The following PLSCR3 variants were observed in gnomAD, a reference collection of about 807,000 sequenced individuals.
The protein encoded by PLSCR3 is phospholipid scramblase 3.
A neutral mutation model predicts 33.7 loss-of-function variants in PLSCR3; 17 were observed. The observed-to-expected ratio is 0.50, with a 90% CI of 0.35 to 0.76. The LOEUF is 0.76. Among genes scored for constraint, PLSCR3 ranks in the 30% least tolerant of loss-of-function variants. The probability of loss-of-function intolerance (pLI) is 0.01; values close to 1 mark genes in which losing one functional copy is unlikely to be tolerated. For missense variants in PLSCR3, 360 were observed against 394.1 expected, an observed-to-expected ratio of 0.91 and a Z score of 0.73; for synonymous variants, 166 against 166.0, an observed-to-expected ratio of 1.00 and a Z score of 0.00.
At chr17:7,390,918 T>A in intron 6 of PLSCR3, 123 bp from the exon 7 acceptor site, 1 of 948,964 alleles carries the variant, frequency 1.1e-6, no homozygotes, top group Non-Finnish European at 1.6e-6. Flanking sequence ...AATCTTCCCC[T>A]CTAATGGTCA....
Position 7,394,242 on chromosome 17 carries a change from G to T in PLSCR3, c.-132C>A. 1 of 818,066 alleles carries T rather than the reference G, an allele frequency of 1.2e-6. No homozygotes were observed. Among genetic ancestry groups the T allele is most frequent in the Non-Finnish European group, 2.0e-6 (1 of 507,412 alleles). 50.7% of individuals were successfully genotyped at this position (818,066 alleles called of 1,614,324 possible). A position where few individuals can be genotyped will look rare whatever the true frequency, so the allele number is the denominator to read the frequency against. On this transcript the variant is annotated 5_prime_UTR_variant, in exon 2 of 8. Transcript: ENST00000619711. The surrounding 1 kb of genome is among the most constrained non-coding windows in gnomAD (Gnocchi z 5.3). ...CGGAGAGGCAGCTGCGCCCGGCGCCGGCCCAGGGTCTCTTGGGCGGCGCCT... is the reference window on the plus strand; with the variant it reads ...CGGAGAGGCAGCTGCGCCCGGCGCCTGCCCAGGGTCTCTTGGGCGGCGCCT...
chr17:7,390,588 A>G, intron 7 of PLSCR3, 46 bp downstream of exon 7: 1 of 1,608,078 alleles, frequency 6.2e-7, no homozygotes, highest in Non-Finnish European at 8.5e-7. Context: ...GCTTCAAATG[A>G]CAGCAAAGGA....
At position 7,392,849 on chromosome 17, in the gene PLSCR3, ACTGT is replaced by A. The variant is rs773161028; in HGVS notation, c.607_610del (p.Thr203SerfsTer21). The A allele has an allele frequency of 6.2e-7, 1 of 1,614,058 alleles. No individual in the cohort carries two copies. The highest frequency in any genetic ancestry group is 1.1e-5 in the South Asian group (1 of 91,080). ...CCAGCAGGGCCCCACCACTCGCAAGACTGTCTGGCGATCGGCATCCTGGATGGAG... is the reference window on the plus strand; with the variant it reads ...CCAGCAGGGCCCCACCACTCGCAAGACTGGCGATCGGCATCCTGGATGGAG... On this transcript the variant is annotated frameshift_variant, in exon 6 of 8. Coordinates refer to ENST00000619711, the MANE Select transcript of PLSCR3 (RefSeq NM_020360.4). LOFTEE classifies it high-confidence loss of function.
At chr17:7,393,114 C>T (rs1221106453) in intron 5 of PLSCR3, 30 bp downstream of exon 5, 2 of 1,160,270 alleles carry the variant, frequency 1.7e-6, no homozygotes, top group South Asian at 1.6e-5. Flanking sequence ...CCACCAAGGC[C>T]CGCCCTCCCG....
In PLSCR3 at chr17:7,393,816, A is replaced by G. The variant is rs945038396; in HGVS notation, c.28T>C (p.Tyr10His). Residue 10 changes from tyrosine (Y) to histidine (H), a missense_variant, in exon 3 of 8, where the codon TAC (tyrosine) becomes CAC (histidine). Physicochemically the swap from Tyr to His is moderately conservative, Grantham distance 83. Coordinates refer to ENST00000619711, the MANE Select transcript of PLSCR3 (RefSeq NM_020360.4). MAGYLPPKG[Y>H]APSPPPPYPV... ...TAGGGAGGTGGGGGCGAAGGGGCGT[A>G]GCCTTTGGGGGGCAAGTAGCCTGTA... 4.6e-5 allele frequency: 70 copies of G among 1,506,802 alleles called. No individual in the cohort carries two copies. The highest frequency in any genetic ancestry group is 5.7e-5 in the Non-Finnish European group (65 of 1,133,736). The allele number at this position is 1,506,802 out of a possible 1,614,324, so 93.3% of individuals were successfully genotyped here. A position where few individuals can be genotyped will look rare whatever the true frequency, so the allele number is the denominator to read the frequency against.
Position 7,390,293 on chromosome 17 carries a change from TG to T in PLSCR3, c.*91del. ...CCCCTTCTGTCCCCTGCAGTGTACATGGAGGAAAGGGGCTGCCCAGAGGAGG... is the reference window on the plus strand; with the variant it reads ...CCCCTTCTGTCCCCTGCAGTGTACATGAGGAAAGGGGCTGCCCAGAGGAGG... On this transcript the variant is annotated 3_prime_UTR_variant, in exon 8 of 8. Transcript: ENST00000619711. 9.9e-7 allele frequency: 1 copy of T among 1,007,776 alleles called. No individual in the cohort carries two copies. Among genetic ancestry groups the T allele is most frequent in the Non-Finnish European group, 1.5e-6 (1 of 685,706 alleles). The allele number at this position is 1,007,776 out of a possible 1,614,324, so 62.4% of individuals were successfully genotyped here. A position where few individuals can be genotyped will look rare whatever the true frequency, so the allele number is the denominator to read the frequency against.
chr17:7,393,152 G>T lies in PLSCR3; in HGVS notation c.499C>A (p.Leu167Ile). 1 of 1,462,388 alleles carries T rather than the reference G, an allele frequency of 6.8e-7. No individual in the cohort carries two copies. The allele number at this position is 1,462,388 out of a possible 1,614,324, so 90.6% of individuals were successfully genotyped here. A position where few individuals can be genotyped will look rare whatever the true frequency, so the allele number is the denominator to read the frequency against. ...HCGCSCCPCG[L>I]QEMEVQAPPG... ...CCCCTCCCTCCGCCCACCTCCTGGA[G>T]GCCACAGGGGCAGCAGCTGCAGCCA... is the stretch of plus-strand genomic sequence containing the variant. Residue 167 changes from leucine (L) to isoleucine (I), a missense_variant, in exon 5 of 8, where the codon CTC (leucine) becomes ATC (isoleucine). Leu to Ile is a conservative substitution (Grantham distance 5). Transcript: ENST00000619711.
At chr17:7,392,198 C>CA (rs1359977875) in intron 6 of PLSCR3, among the ~76,000 whole-genome samples, 5 of 152,168 alleles carry the variant, frequency 3.3e-5, no homozygotes, top group Non-Finnish European at 5.9e-5. Flanking sequence ...AACAAACAAA[C>CA]AAAAAACAAA....
Position 7,390,302 on chromosome 17 carries a change from G to C in PLSCR3, c.*83C>G. 1 of 1,103,028 alleles carries C rather than the reference G, an allele frequency of 9.1e-7. No individual in the cohort carries two copies. Among genetic ancestry groups the C allele is most frequent in the East Asian group, 2.6e-5 (1 of 38,852 alleles). The allele number at this position is 1,103,028 out of a possible 1,614,324, so 68.3% of individuals were successfully genotyped here. ...TCCCCTGCAGTGTACATGGAGGAAAGGGGCTGCCCAGAGGAGGGGCCAGGG... is the reference window on the plus strand; with the variant it reads ...TCCCCTGCAGTGTACATGGAGGAAACGGGCTGCCCAGAGGAGGGGCCAGGG... On this transcript the variant is annotated 3_prime_UTR_variant, in exon 8 of 8. Transcript: ENST00000619711.
Position 7,390,377 on chromosome 17 carries a change from G to T in PLSCR3, c.*8C>A. 6.5e-7 allele frequency: 1 copy of T among 1,546,026 alleles called. No individual in the cohort carries two copies. Among genetic ancestry groups the T allele is most frequent in the Non-Finnish European group, 8.8e-7 (1 of 1,142,298 alleles). The stretch of plus-strand genomic sequence containing the variant: ...CGAGGTGATGGTCTCCTCACACCAT[G>T]GTGGCCTCTAACTGGTGACGGCAGA... On this transcript the variant is annotated 3_prime_UTR_variant, in exon 8 of 8. Transcript: ENST00000619711.
At position 7,392,911 on chromosome 17, in the gene PLSCR3, C is replaced by G. The variant is rs770610407; in HGVS notation, c.549G>C (p.Val183=). ...GGAGGAAGGGATGCCAGGTCTGTAG[C>G]ACGTGGCCAATGGTGGTGCCTGGTG... ...QAPPGTTIGH[V]LQTWHPFLPK... The change falls in exon 6 of 8, where the codon GTG becomes GTC. Residue 183 remains valine, a synonymous_variant. Transcript: ENST00000619711. The G allele has an allele frequency of 6.2e-7, 1 of 1,614,030 alleles. No individual in the cohort carries two copies. Among genetic ancestry groups the G allele is most frequent in the East Asian group, 2.2e-5 (1 of 44,888 alleles).
At chr17:7,390,532 A>C in intron 7 of PLSCR3, 91 bp from the exon 8 acceptor site, 1 of 1,563,888 alleles carries the variant, frequency 6.4e-7, no homozygotes, top group Non-Finnish European at 8.8e-7. Flanking sequence ...CCCCCACAAC[A>C]CCTATTCCTG....
In PLSCR3 at chr17:7,390,437, T is replaced by TA; in HGVS notation, c.835dup (p.Tyr279LeufsTer5). On this transcript the variant is annotated frameshift_variant, in exon 8 of 8. Coordinates refer to ENST00000619711, the MANE Select transcript of PLSCR3 (RefSeq NM_020360.4). LOFTEE classifies it high-confidence loss of function. Reference sequence around the variant, plus strand: ...GCCTCCTCGCTTCTCAAAGAACATGTAGTCCTAAGAGGAGGCCACTGTCAA... The same window carrying TA: ...GCCTCCTCGCTTCTCAAAGAACATGTAAGTCCTAAGAGGAGGCCACTGTCAA... 6.3e-7 allele frequency: 1 copy of TA among 1,581,684 alleles called. No homozygotes were observed. The highest frequency in any genetic ancestry group is 8.6e-7 in the Non-Finnish European group (1 of 1,162,848).
At position 7,390,263 on chromosome 17, in the gene PLSCR3, G is replaced by T; in HGVS notation, c.*122C>A. 1.3e-6 allele frequency: 1 copy of T among 779,454 alleles called. No individual in the cohort carries two copies. Among genetic ancestry groups the T allele is most frequent in the Non-Finnish European group, 2.0e-6 (1 of 499,182 alleles). The allele number at this position is 779,454 out of a possible 1,614,324, so 48.3% of individuals were successfully genotyped here. On this transcript the variant is annotated 3_prime_UTR_variant, in exon 8 of 8. Coordinates refer to ENST00000619711, the MANE Select transcript of PLSCR3 (RefSeq NM_020360.4). The stretch of plus-strand genomic sequence containing the variant: ...GCGGCCAGGGAGTAGGGTAGGGATG[G>T]GGCCCCCCTTCTGTCCCCTGCAGTG...
At position 7,390,802 on chromosome 17, in the gene PLSCR3, T is replaced by C; in HGVS notation, c.670-7A>G. ...ATTCATCCCGAGTCTTCACCTGTCATCAGGGAGGGAGAAAGGACCCAGCTG... is the reference window on the plus strand; with the variant it reads ...ATTCATCCCGAGTCTTCACCTGTCACCAGGGAGGGAGAAAGGACCCAGCTG... On this transcript the variant is annotated splice_region_variant and splice_polypyrimidine_tract_variant and intron_variant, in intron 6 of 7. Transcript: ENST00000619711. 6.2e-7 allele frequency: 1 copy of C among 1,613,760 alleles called. No individual in the cohort carries two copies. Among genetic ancestry groups the C allele is most frequent in the Non-Finnish European group, 8.5e-7 (1 of 1,179,936 alleles).
In PLSCR3 at chr17:7,393,709, T is replaced by A. The variant is rs1201734888; in HGVS notation, c.135A>T (p.Pro45=). ...AGGGGAAGAGGGCGAAGCCGGGAGC[T>A]GGGGCAGGTACCTGGGCGGGCACTG... The part of the protein sequence containing the change: ...QAPVPAQVPA[P]APGFALFPSP... The change falls in exon 3 of 8, where the codon CCA becomes CCT. Residue 45 remains proline (P), a synonymous_variant. Transcript: ENST00000619711. The A allele has an allele frequency of 3.2e-5, 49 of 1,549,332 alleles. No individual in the cohort carries two copies. The highest frequency in any genetic ancestry group is 4.0e-5 in the Non-Finnish European group (46 of 1,156,550).
intron 5 of PLSCR3, 38 bp downstream of exon 5, chr17:7,393,106 A>G (rs1225218811): frequency 1.4e-5 from 20 of 1,423,304 alleles, no homozygotes; most frequent in Non-Finnish European, 1.7e-5. Flanking sequence ...GTCCCGCCCC[A>G]CCAAGGCCCG....
rs1369244487 is a variant in PLSCR3 at position 7,394,116 on chromosome 17, A to G, written c.-6T>C. On this transcript the variant is annotated 5_prime_UTR_variant, in exon 2 of 8. Transcript: ENST00000619711. The surrounding 1 kb of genome is among the most constrained non-coding windows in gnomAD (Gnocchi z 5.3). ...TGCGCGCACTTACCTGCCATGGGAGAAGGGCTGGGGTTTTCGAGATGATGG... is the reference window on the plus strand; with the variant it reads ...TGCGCGCACTTACCTGCCATGGGAGGAGGGCTGGGGTTTTCGAGATGATGG... The G allele has an allele frequency of 1.9e-6, 3 of 1,612,894 alleles. No individual in the cohort carries two copies. The highest frequency in any genetic ancestry group is 1.7e-6 in the Non-Finnish European group (2 of 1,179,416).
rs748790677 is a variant in PLSCR3, at chr17:7,392,906, T to G, written c.554A>C (p.Gln185Pro). The G allele has an allele frequency of 1.2e-6, 2 of 1,614,080 alleles. No homozygotes were observed. Among genetic ancestry groups the G allele is most frequent in the East Asian group, 4.5e-5 (2 of 44,888 alleles). The change falls in exon 6 of 8, where the codon CAG (glutamine) becomes CCG (proline). Residue 185 changes from glutamine to proline, a missense_variant. Gln to Pro is a moderately conservative substitution (Grantham distance 76). Transcript: ENST00000619711. ...CTTGGGGAGGAAGGGATGCCAGGTC[T>G]GTAGCACGTGGCCAATGGTGGTGCC... ...PPGTTIGHVL[Q>P]TWHPFLPKFS...
Sources: gnomAD v4.1 joint callset for allele counts (sites outside exome capture counted in the v4.1 genomes callset) on GRCh38, gnomAD v4.1.1 for gene constraint, Gnocchi (gnomAD v3.1) non-coding constraint, MANE v1.5 for transcripts, NCBI Gene and HGNC (gene_info 2026-07-23, HGNC 2026-07-21) for gene names.